Variants in ADGRL4 observed in about 807,000 individuals in gnomAD.
ADGRL4 encodes the protein EGF, latrophilin and seven transmembrane domain containing 1.
Under a neutral mutation model 74.8 loss-of-function variants are expected in ADGRL4, and 90 were observed. The observed-to-expected ratio is 1.20, with a 90% CI of 1.02 to 1.43. ADGRL4 has a LOEUF of 1.43. ADGRL4 is among the 40% of genes most tolerant of loss of function. The pLI is 0.00. For missense variants in ADGRL4, 881 were observed against 814.3 expected, an observed-to-expected ratio of 1.08 and a Z score of -1.00; for synonymous variants, 311 against 279.2, an observed-to-expected ratio of 1.11 and a Z score of -1.14.
intron 2 of ADGRL4, among the ~76,000 whole-genome samples, chr1:78,999,852 C>T (rs956301283): frequency 1.3e-5 from 2 of 151,822 alleles, no homozygotes; most frequent in Non-Finnish European, 2.9e-5. Context: ...ACCTACCTAC[C>T]TACCTATCAA....
intron 12 of ADGRL4, among the ~76,000 whole-genome samples, chr1:78,898,093 T>G (rs1477148794): frequency 6.6e-6 from 1 of 151,628 alleles, no homozygotes; most frequent in Non-Finnish European, 1.5e-5. Context: ...GAAATGAGGT[T>G]AAAAAAAAGG....
At chr1:78,959,066 C>A (rs2100706314) in intron 2 of ADGRL4, among the ~76,000 whole-genome samples, 1 of 152,264 alleles carries the variant, frequency 6.6e-6, no homozygotes, top group Admixed American at 6.5e-5. Flanking sequence ...TTTCTTTAGA[C>A]ATAATGCTAC....
At chr1:78,950,028 C>A (rs1299042810) in intron 2 of ADGRL4, among the ~76,000 whole-genome samples, 1 of 152,002 alleles carries the variant, frequency 6.6e-6, no homozygotes, top group African/African-American at 2.4e-5. Flanking sequence ...TGTACCAACA[C>A]CCAAATTATC....
chr1:78,962,551 C>T, intron 2 of ADGRL4, among the ~76,000 whole-genome samples: 1 of 152,116 alleles, frequency 6.6e-6, no homozygotes, highest in East Asian at 1.9e-4. Context: ...TCTCCCCTGT[C>T]TCCCCCATCC....
chr1:78,933,829 A>C (rs1410504802), intron 7 of ADGRL4, among the ~76,000 whole-genome samples: 1 of 147,252 alleles, frequency 6.8e-6, no homozygotes, highest in African/African-American at 2.7e-5. Flanking sequence ...TCCCATTCAC[A>C]ATTGCTACAA....
At chr1:78,924,701 G>A (rs192246372) in intron 8 of ADGRL4, among the ~76,000 whole-genome samples, 206 of 152,152 alleles carry the variant, frequency 1.4e-3, no homozygotes, top group African/African-American at 4.8e-3. Context: ...TTAAGCAAGT[G>A]AAAATAAAGG....
chr1:78,932,749 C>T (rs1483342708), intron 7 of ADGRL4, among the ~76,000 whole-genome samples: 1 of 151,288 alleles, frequency 6.6e-6, no homozygotes, highest in Non-Finnish European at 1.5e-5. Flanking sequence ...GATATCACCA[C>T]TGACCCTACA....
intron 7 of ADGRL4, among the ~76,000 whole-genome samples, chr1:78,931,810 C>A (rs1649247934): frequency 6.6e-6 from 1 of 150,882 alleles, no homozygotes; most frequent in Admixed American, 6.6e-5. Context: ...GACTTTAAAC[C>A]AATAAATATC....
At chr1:78,959,166 C>T (rs975779690) in intron 2 of ADGRL4, among the ~76,000 whole-genome samples, 4 of 152,148 alleles carry the variant, frequency 2.6e-5, no homozygotes, top group African/African-American at 9.7e-5. Context: ...TATTGTGATA[C>T]TCGCTTTATG....
chr1:78,967,688 T>C (rs1293837285), intron 2 of ADGRL4, among the ~76,000 whole-genome samples: 2 of 152,148 alleles, frequency 1.3e-5, no homozygotes, highest in African/African-American at 2.4e-5. Flanking sequence ...TTCAAAAGGG[T>C]ATTATGGTTT....
intron 12 of ADGRL4, among the ~76,000 whole-genome samples, chr1:78,898,887 A>C (rs767194519): frequency 2.0e-5 from 3 of 152,184 alleles, no homozygotes; most frequent in Non-Finnish European, 4.4e-5. Flanking sequence ...TCTTTAAAAA[A>C]AACAAGAAAT....
intron 12 of ADGRL4, among the ~76,000 whole-genome samples, chr1:78,915,247 G>A (rs1350454281): frequency 1.3e-5 from 2 of 151,818 alleles, no homozygotes; most frequent in East Asian, 1.9e-4. Context: ...AGGAAACTCC[G>A]TACAAAAGCA....
At chr1:78,997,263 T>G (rs1191029513) in intron 2 of ADGRL4, among the ~76,000 whole-genome samples, 1 of 152,184 alleles carries the variant, frequency 6.6e-6, no homozygotes, top group Non-Finnish European at 1.5e-5. Context: ...GCTGTCCTGG[T>G]GTATCTTCCA....
chr1:78,976,071 T>A (rs1650271710), intron 2 of ADGRL4, among the ~76,000 whole-genome samples: 1 of 151,974 alleles, frequency 6.6e-6, no homozygotes, highest in South Asian at 2.1e-4. Flanking sequence ...GGCTATGACT[T>A]AGATAGAGAC....
At chr1:78,947,291 G>A (rs1037628644) in intron 2 of ADGRL4, among the ~76,000 whole-genome samples, 3 of 152,284 alleles carry the variant, frequency 2.0e-5, no homozygotes, top group Non-Finnish European at 2.9e-5. Context: ...GGTCATACTC[G>A]ATTATGGTGG....
chr1:78,920,557 C>T (rs1304347223), intron 9 of ADGRL4, among the ~76,000 whole-genome samples, 171 bp from the exon 10 acceptor site: 1 of 151,610 alleles, frequency 6.6e-6, no homozygotes, highest in Non-Finnish European at 1.5e-5. Flanking sequence ...TTTGAAAATC[C>T]TCAATATCCA....
intron 2 of ADGRL4, among the ~76,000 whole-genome samples, chr1:78,974,887 T>C (rs1650246008): frequency 6.6e-6 from 1 of 152,188 alleles, no homozygotes; most frequent in Non-Finnish European, 1.5e-5. Flanking sequence ...GGTCACATAG[T>C]TAGCAATCTT....
At chr1:78,902,481 T>C (rs1238097114) in intron 12 of ADGRL4, among the ~76,000 whole-genome samples, 1 of 151,860 alleles carries the variant, frequency 6.6e-6, no homozygotes, top group Non-Finnish European at 1.5e-5. Flanking sequence ...GTCAAATAAC[T>C]TGCCCAAGGT....
At chr1:78,998,571 T>C (rs972855898) in intron 2 of ADGRL4, among the ~76,000 whole-genome samples, 6 of 152,072 alleles carry the variant, frequency 3.9e-5, no homozygotes, top group African/African-American at 1.2e-4. Flanking sequence ...GGTTTCACCA[T>C]GTTTGCCAGG....
Sources: gnomAD v4.1 joint callset for allele counts (sites outside exome capture counted in the v4.1 genomes callset) on GRCh38, gnomAD v4.1.1 for gene constraint, MANE v1.5 for transcripts, NCBI Gene and HGNC (gene_info 2026-07-23, HGNC 2026-07-21) for gene names.